ZNF772: variants seen among roughly 807,000 people sequenced by gnomAD.
ZNF772 encodes the protein zinc finger protein 772.
ZNF772 carries 8 observed loss-of-function variants against 11.0 expected under a neutral mutation model. That is an observed-to-expected ratio of 0.73 (90% CI 0.43 to 1.31). The LOEUF (loss-of-function observed/expected upper bound fraction) is 1.31. Ranked by LOEUF, ZNF772 falls within the 50% of genes most tolerant of loss-of-function variation. The probability of loss-of-function intolerance (pLI) is 0.01; values close to 1 mark genes in which losing one functional copy is unlikely to be tolerated. For missense variants in ZNF772, 496 were observed against 552.3 expected (o/e 0.90, Z 1.02); for synonymous variants, 155 against 180.4 (o/e 0.86, Z 1.13).
rs2089192121 is a variant in ZNF772, at chr19:57,469,612, A to T, written c.*3662T>A. 6.6e-6 allele frequency: 1 copy of T among 152,222 alleles called. No individual in the cohort carries two copies. The highest frequency in any genetic ancestry group is 1.5e-5 in the Non-Finnish European group (1 of 68,040). The allele number at this position is 152,222 out of a possible 1,614,324, so 9.4% of individuals were successfully genotyped here. ...GGACATAAAATAGGAAATATTTATT[A>T]TTCACCTAATAAAAACATACTAAAA... On this transcript the variant is annotated 3_prime_UTR_variant, in exon 4 of 4. Transcript: ENST00000356584.
At chr19:57,476,565 A>C (rs771121220) in intron 2 of ZNF772, 69 bp downstream of exon 2, 11 of 1,558,648 alleles carry the variant, frequency 7.1e-6, no homozygotes, top group South Asian at 1.1e-5. Context: ...GTTCTATATA[A>C]CACCACAATG....
rs2089208385 is a variant in ZNF772 at position 57,471,065 on chromosome 19, A to G, written c.*2209T>C. 1 of 152,206 alleles carries G rather than the reference A, an allele frequency of 6.6e-6. No homozygotes were observed. The allele number at this position is 152,206 out of a possible 1,614,324, so 9.4% of individuals were successfully genotyped here. ...AACTTATAGTTAGAAACTTTCCTAC[A>G]AAACAAACTCCAGGCCCAGACAGCT... On this transcript the variant is annotated 3_prime_UTR_variant, in exon 4 of 4. Transcript: ENST00000356584.
intron 2 of ZNF772, 92 bp downstream of exon 2, chr19:57,476,542 G>A: frequency 6.8e-7 from 1 of 1,466,542 alleles, no homozygotes; most frequent in Non-Finnish European, 9.6e-7. Flanking sequence ...AGATCGGAGA[G>A]TAGCAGGAGA....
At position 57,477,389 on chromosome 19, in the gene ZNF772, G is replaced by C. The variant is rs1000787461; in HGVS notation, c.-80C>G. 2.6e-6 allele frequency: 4 copies of C among 1,536,286 alleles called. No individual in the cohort carries two copies. The African/African-American group carries it at 5.5e-5, about 21-fold the overall frequency. ...GTCCAGGGCCCAGCCCAGCGGCTAG[G>C]TCACTCAGGCAGCGCCACTGTCAAG... On this transcript the variant is annotated 5_prime_UTR_variant, in exon 1 of 4. Transcript: ENST00000356584.
Position 57,474,389 on chromosome 19 carries a change from G to GT in ZNF772, c.231dup (p.Pro78ThrfsTer3). The GT allele has an allele frequency of 6.2e-7, 1 of 1,609,200 alleles. No individual in the cohort carries two copies. Among genetic ancestry groups the GT allele is most frequent in the South Asian group, 1.1e-5 (1 of 91,060 alleles). On this transcript the variant is annotated frameshift_variant, in exon 4 of 4. Coordinates refer to ENST00000356584, the MANE Select transcript of ZNF772 (RefSeq NM_001144068.2). LOFTEE classifies it low-confidence loss of function (END_TRUNC). The stretch of plus-strand genomic sequence containing the variant: ...CCTATAGAAAAGCTCTGCTCAAAAG[G>GT]TATCTCTTCATCCTCCATTCCATGC...
chr19:57,471,233 A>G lies in ZNF772; in HGVS notation c.*2041T>C, dbSNP rs2089210023. ...GCTGATACCAAAGCCAAACCTGGGC[A>G]AGATATAAAATTACAAAGAAAAAAA... is the stretch of plus-strand genomic sequence containing the variant. On this transcript the variant is annotated 3_prime_UTR_variant, in exon 4 of 4. Transcript: ENST00000356584. 1 of 152,242 alleles carries G rather than the reference A, an allele frequency of 6.6e-6. No individual in the cohort carries two copies. Among genetic ancestry groups the G allele is most frequent in the Non-Finnish European group, 1.5e-5 (1 of 68,056 alleles). 9.4% of individuals were successfully genotyped at this position (152,242 alleles called of 1,614,324 possible).
At chr19:57,474,560 G>C in intron 3 of ZNF772, 139 bp from the exon 4 acceptor site, 2 of 827,012 alleles carry the variant, frequency 2.4e-6, no homozygotes, top group Non-Finnish European at 3.7e-6. Flanking sequence ...CTCAAGTTCA[G>C]CAAATGTGTA....
Position 57,472,433 on chromosome 19 carries a change from C to A in ZNF772, c.*841G>T. Reference sequence around the variant, plus strand: ...AACAAATGCCCACTGCTTAGGGTGACCTCAATTACACAAAAAATCTTAACA... The same window carrying A: ...AACAAATGCCCACTGCTTAGGGTGAACTCAATTACACAAAAAATCTTAACA... On this transcript the variant is annotated 3_prime_UTR_variant, in exon 4 of 4. Transcript: ENST00000356584. 3.8e-6 allele frequency: 1 copy of A among 262,324 alleles called. No homozygotes were observed. The highest frequency in any genetic ancestry group is 5.1e-5 in the Admixed American group (1 of 19,798). The allele number at this position is 262,324 out of a possible 1,614,324, so 16.2% of individuals were successfully genotyped here. A position where few individuals can be genotyped will look rare whatever the true frequency, so the allele number is the denominator to read the frequency against.
At position 57,472,378 on chromosome 19, in the gene ZNF772, G is replaced by A. The variant is rs1682749331; in HGVS notation, c.*896C>T. 1 of 343,220 alleles carries A rather than the reference G, an allele frequency of 2.9e-6. No individual in the cohort carries two copies. Among genetic ancestry groups the A allele is most frequent in the African/African-American group, 2.2e-5 (1 of 46,112 alleles). The allele number at this position is 343,220 out of a possible 1,614,324, so 21.3% of individuals were successfully genotyped here. On this transcript the variant is annotated 3_prime_UTR_variant, in exon 4 of 4. Transcript: ENST00000356584. The stretch of plus-strand genomic sequence containing the variant: ...TCTGGGAACAAGGGACGTAATTCAT[G>A]TTGCTCCCAGACACATTAGAGATTA...
rs1334238078 is a variant in ZNF772 at position 57,473,757 on chromosome 19, T to C, written c.864A>G (p.Lys288=). The C allele has an allele frequency of 3.7e-6, 6 of 1,614,034 alleles. No individual in the cohort carries two copies. Among genetic ancestry groups the C allele is most frequent in the Non-Finnish European group, 5.1e-6 (6 of 1,180,034 alleles). The change falls in exon 4 of 4, where the codon AAA becomes AAG. Residue 288 remains lysine, a synonymous_variant. Transcript: ENST00000356584. ...EMPYECGICG[K]VFNHSSNLIV... Reference sequence around the variant, plus strand: ...TAAGGTTAGAGCTATGATTAAAAACTTTCCCACATATGCCACACTCATAAG... The same window carrying C: ...TAAGGTTAGAGCTATGATTAAAAACCTTCCCACATATGCCACACTCATAAG...
Position 57,474,097 on chromosome 19 carries a change from T to G in ZNF772, c.524A>C (p.Gln175Pro), listed in dbSNP as rs1431616383. ...TGTCACAAAAGACATCTCCATTGAT[T>G]GCACAGCACAGTTGTTCAGAAGAAA... ...RPFLLNNCAV[Q>P]SMEMSFVTGE... Residue 175 changes from glutamine to proline, a missense_variant, in exon 4 of 4, where the codon CAA (glutamine) becomes CCA (proline). Gln to Pro is a moderately conservative substitution (Grantham distance 76). Transcript: ENST00000356584. The G allele has an allele frequency of 6.2e-7, 1 of 1,614,176 alleles. No individual in the cohort carries two copies. The highest frequency in any genetic ancestry group is 8.5e-7 in the Non-Finnish European group (1 of 1,180,000).
rs2089276941 is a variant in ZNF772, at chr19:57,475,790, C to T, written c.73-4G>A. The T allele has an allele frequency of 6.3e-7, 1 of 1,593,296 alleles. No individual in the cohort carries two copies. Among genetic ancestry groups the T allele is most frequent in the Admixed American group, 1.7e-5 (1 of 57,544 alleles). The stretch of plus-strand genomic sequence containing the variant: ...CGTCCTCAAAGTTCACCTGCCCCTG[C>T]CACAATCAGGAGAGCCAAGTCCATG... On this transcript the variant is annotated splice_polypyrimidine_tract_variant and splice_region_variant and intron_variant, in intron 2 of 3. Transcript: ENST00000356584. The surrounding 1 kb of genome is among the most constrained non-coding windows in gnomAD (Gnocchi z 4.2).
chr19:57,476,706 A>C (rs772257976), intron 1 of ZNF772, 34 bp from the exon 2 acceptor site: 40 of 1,548,136 alleles, frequency 2.6e-5, no homozygotes, highest in Non-Finnish European at 3.3e-5. Flanking sequence ...CGAGTCAAGC[A>C]ATCTTGAAGG....
intron 3 of ZNF772, 103 bp from the exon 4 acceptor site, chr19:57,474,524 G>T: frequency 8.4e-7 from 1 of 1,194,610 alleles, no homozygotes. Flanking sequence ...AAGGTCATAG[G>T]ACTGTTGTTA....
At chr19:57,477,211 G>A in intron 1 of ZNF772, 66 bp downstream of exon 1, 1 of 1,606,436 alleles carries the variant, frequency 6.2e-7, no homozygotes, top group Non-Finnish European at 8.5e-7. Context: ...CCGAGGAATC[G>A]TTCATTCGAA....
chr19:57,473,282 T>C lies in ZNF772; in HGVS notation c.1339A>G (p.Arg447Gly). ...CGGAATTATCTCCCATCCTAAGGCC[T>C]TTCTCCAGTGTGAATTTTCCAGTGG... Reference protein sequence around the residue: ...IRHWKIHTGERP With the variant: ...IRHWKIHTGEGP The change falls in exon 4 of 4, where the codon AGG becomes GGG. Residue 447 changes from arginine (R) to glycine (G), a missense_variant. Coordinates refer to ENST00000356584, the MANE Select transcript of ZNF772 (RefSeq NM_001144068.2). 6.2e-7 allele frequency: 1 copy of C among 1,612,510 alleles called. No homozygotes were observed. Among genetic ancestry groups the C allele is most frequent in the South Asian group, 1.1e-5 (1 of 90,978 alleles).
rs959726969 is a variant in ZNF772, at chr19:57,469,726, G to C, written c.*3548C>G. ...AACAATCCTCTTAAAATAATTGCTGGAACCAAAACCACAGAATGTCAATAA... is the reference window on the plus strand; with the variant it reads ...AACAATCCTCTTAAAATAATTGCTGCAACCAAAACCACAGAATGTCAATAA... On this transcript the variant is annotated 3_prime_UTR_variant, in exon 4 of 4. Transcript: ENST00000356584. 1 of 152,078 alleles carries C rather than the reference G, an allele frequency of 6.6e-6. No individual in the cohort carries two copies. Among genetic ancestry groups the C allele is most frequent in the Non-Finnish European group, 1.5e-5 (1 of 67,996 alleles). 9.4% of individuals were successfully genotyped at this position (152,078 alleles called of 1,614,324 possible).
At position 57,474,148 on chromosome 19, in the gene ZNF772, G is replaced by GGT; in HGVS notation, c.471_472dup (p.Pro158HisfsTer13). The GGT allele has an allele frequency of 6.2e-7, 1 of 1,614,206 alleles. No individual in the cohort carries two copies. Among genetic ancestry groups the GGT allele is most frequent in the Non-Finnish European group, 8.5e-7 (1 of 1,180,046 alleles). ...GGGCCTGCTCTTATCACTTCTAAAG[G>GGT]GTTTCTCTCCACTGTGCTGCTTCTG... is the stretch of plus-strand genomic sequence containing the variant. On this transcript the variant is annotated frameshift_variant, in exon 4 of 4. Transcript: ENST00000356584. LOFTEE classifies it low-confidence loss of function (END_TRUNC).
rs548030263 is a variant in ZNF772, at chr19:57,471,105, T to C, written c.*2169A>G. The C allele has an allele frequency of 6.6e-6, 1 of 152,328 alleles. No individual in the cohort carries two copies. The highest frequency in any genetic ancestry group is 1.9e-4 in the East Asian group (1 of 5,192). The allele number at this position is 152,328 out of a possible 1,614,324, so 9.4% of individuals were successfully genotyped here. Reference sequence around the variant, plus strand: ...CCCAGACAGCTTCCTTGGTGAATTCTACCAAACATTTAAGGAAGAAATAAT... The same window carrying C: ...CCCAGACAGCTTCCTTGGTGAATTCCACCAAACATTTAAGGAAGAAATAAT... On this transcript the variant is annotated 3_prime_UTR_variant, in exon 4 of 4. Transcript: ENST00000356584.
Sources: allele counts gnomAD v4.1 joint callset, GRCh38; gene constraint gnomAD v4.1.1; non-coding constraint Gnocchi (gnomAD v3.1); transcripts MANE v1.5; gene names NCBI Gene and HGNC (gene_info 2026-07-23, HGNC 2026-07-21).